DCC: variants seen among roughly 807,000 people sequenced by gnomAD.
DCC encodes DCC netrin 1 receptor, also known as netrin receptor DCC.
DCC carries 58 observed loss-of-function variants against 172.5 expected under a neutral mutation model. That is an observed-to-expected ratio of 0.34 (90% CI 0.27 to 0.42). The LOEUF is 0.42. Among genes scored for constraint, DCC ranks in the 10% least tolerant of loss-of-function variants. DCC has a pLI of 1.00. For missense variants in DCC, 1,740 were observed against 1,791.0 expected, an observed-to-expected ratio of 0.97 and a Z score of 0.51; for synonymous variants, 709 against 644.5, an observed-to-expected ratio of 1.10 and a Z score of -1.52.
intron 12 of DCC, among the ~76,000 whole-genome samples, chr18:53,268,470 C>T (rs1338302320): frequency 1.3e-5 from 2 of 152,054 alleles, no homozygotes; most frequent in African/African-American, 4.8e-5. Context: ...CTTCCTTTCA[C>T]CCAGAGAAAT....
At chr18:52,449,599 G>C (rs1422256756) in intron 1 of DCC, among the ~76,000 whole-genome samples, 1 of 152,220 alleles carries the variant, frequency 6.6e-6, no homozygotes, top group African/African-American at 2.4e-5. Flanking sequence ...TTTAAAGGAA[G>C]ACTGGTTGGG....
chr18:52,585,236 G>C (rs1473550033), intron 1 of DCC, among the ~76,000 whole-genome samples: 3 of 152,200 alleles, frequency 2.0e-5, no homozygotes, highest in African/African-American at 4.8e-5. Context: ...CGAATGAGGA[G>C]TCAAAACTGT....
chr18:52,599,231 T>C (rs962149633), intron 1 of DCC, among the ~76,000 whole-genome samples: 1 of 152,160 alleles, frequency 6.6e-6, no homozygotes, highest in African/African-American at 2.4e-5. Context: ...GTCTTAGAAC[T>C]GATAGTCATT....
At chr18:52,807,387 C>T (rs1199568468) in intron 2 of DCC, among the ~76,000 whole-genome samples, 1 of 152,168 alleles carries the variant, frequency 6.6e-6, no homozygotes, top group African/African-American at 2.4e-5. Flanking sequence ...CTGTATGGTT[C>T]ACTGCAAAAC....
rs138887052 is a variant in DCC, at chr18:52,983,015, G to T, written c.985+57645G>T. ...CCTGGGAGAGTGCTGGTTTACATCT[G>T]TTTTCCCCATTTCTATCTTGTTAGT... On this transcript the variant is annotated intron_variant, in intron 5 of 28. Coordinates refer to ENST00000442544, the MANE Select transcript of DCC (RefSeq NM_005215.4). 1.6e-3 allele frequency among the ~76,000 whole-genome samples: 237 copies of T among 152,216 alleles called. 1 individual carries two copies. The highest frequency in any genetic ancestry group is 5.4e-3 in the African/African-American group (225 of 41,530).
chr18:52,488,324 C>T (rs901261871), intron 1 of DCC, among the ~76,000 whole-genome samples: 1 of 152,088 alleles, frequency 6.6e-6, no homozygotes, highest in East Asian at 1.9e-4. Flanking sequence ...GAAAAACCTT[C>T]CTACTTTAAT....
At chr18:53,147,383 C>G (rs538378940) in intron 7 of DCC, among the ~76,000 whole-genome samples, 2 of 152,188 alleles carry the variant, frequency 1.3e-5, no homozygotes, top group Admixed American at 1.3e-4. Context: ...AGGAAACATG[C>G]TTCGTATACA....
intron 1 of DCC, among the ~76,000 whole-genome samples, chr18:52,697,107 T>A (rs186174592): frequency 1.1e-4 from 17 of 152,362 alleles, no homozygotes; most frequent in Admixed American, 1.1e-3. Flanking sequence ...GATTTTTCTT[T>A]ACTTGATTGC....
At position 52,601,777 on chromosome 18, in the gene DCC, A is replaced by G. The variant is rs61220050; in HGVS notation, c.92-150277A>G. 7.2e-3 allele frequency among the ~76,000 whole-genome samples: 1,100 copies of G among 152,184 alleles called. 13 individuals carry two copies. The highest frequency in any genetic ancestry group is 0.025 in the African/African-American group (1,058 of 41,556). Reference sequence around the variant, plus strand: ...TGCATGCCTATATTAGCACAAGTGTATATATTGTTCTGGTCCAATTTTGCT... The same window carrying G: ...TGCATGCCTATATTAGCACAAGTGTGTATATTGTTCTGGTCCAATTTTGCT... On this transcript the variant is annotated intron_variant, in intron 1 of 28. Coordinates refer to ENST00000442544, the MANE Select transcript of DCC (RefSeq NM_005215.4).
intron 14 of DCC, among the ~76,000 whole-genome samples, chr18:53,329,755 T>C (rs1347017878): frequency 6.6e-6 from 1 of 152,050 alleles, no homozygotes; most frequent in Non-Finnish European, 1.5e-5. Context: ...AAGAAATTTA[T>C]ATGGAAGAAT....
At chr18:53,474,025 T>C (rs1179036718) in intron 25 of DCC, among the ~76,000 whole-genome samples, 1 of 141,998 alleles carries the variant, frequency 7.0e-6, no homozygotes, top group Non-Finnish European at 1.6e-5. Flanking sequence ...TTAATTTTTG[T>C]TATTTTTGTA....
intron 1 of DCC, among the ~76,000 whole-genome samples, chr18:52,688,220 A>C (rs575261849): frequency 1.3e-5 from 2 of 152,130 alleles, no homozygotes; most frequent in South Asian, 4.1e-4. Flanking sequence ...ATTTACTGAA[A>C]AGTGTAGATG....
intron 7 of DCC, among the ~76,000 whole-genome samples, chr18:53,109,283 G>C (rs765894581): frequency 1.3e-5 from 2 of 151,408 alleles, no homozygotes; most frequent in Non-Finnish European, 1.5e-5. Context: ...TATAGAGACA[G>C]TACAATTTTA....
At chr18:53,118,275 C>T (rs994671134) in intron 7 of DCC, among the ~76,000 whole-genome samples, 3 of 151,732 alleles carry the variant, frequency 2.0e-5, no homozygotes, top group Admixed American at 6.6e-5. Flanking sequence ...GTATAATTTT[C>T]GATTATCTGC....
chr18:52,579,342 T>G lies in DCC; in HGVS notation c.92-172712T>G, dbSNP rs145247453. On this transcript the variant is annotated intron_variant, in intron 1 of 28. Transcript: ENST00000442544. Reference sequence around the variant, plus strand: ...TCCTTTGGAATATGCAATTAGAAAGTTACAGGGTATCATAGCTGGGATGGT... The same window carrying G: ...TCCTTTGGAATATGCAATTAGAAAGGTACAGGGTATCATAGCTGGGATGGT... 2.1e-3 allele frequency among the ~76,000 whole-genome samples: 320 copies of G among 152,334 alleles called. 1 individual carries two copies. Among genetic ancestry groups the G allele is most frequent in the African/African-American group, 7.4e-3 (309 of 41,576 alleles).
chr18:52,482,879 T>G (rs990056170), intron 1 of DCC, among the ~76,000 whole-genome samples: 2 of 152,156 alleles, frequency 1.3e-5, no homozygotes, highest in Non-Finnish European at 2.9e-5. Context: ...CATATCCCCT[T>G]GTATTAGGGC....
chr18:53,039,030 G>T (rs1006821852), intron 5 of DCC, among the ~76,000 whole-genome samples: 5 of 152,096 alleles, frequency 3.3e-5, no homozygotes, highest in African/African-American at 4.8e-5. Context: ...GAAATGTTGA[G>T]GTCGCCAAAC....
chr18:52,679,683 A>G (rs11872973), intron 1 of DCC, among the ~76,000 whole-genome samples: 150,944 of 152,250 alleles, frequency 0.99, 74,839 homozygotes, highest in East Asian at 1. Flanking sequence ...TAGCCTTATG[A>G]AACTTCCTGG....
intron 2 of DCC, among the ~76,000 whole-genome samples, chr18:52,779,020 A>G (rs1363709902): frequency 6.6e-6 from 1 of 152,206 alleles, no homozygotes; most frequent in Admixed American, 6.5e-5. Context: ...ATTCTGCATC[A>G]GTGTTCTATA....
Sources: gnomAD v4.1 joint callset for allele counts (sites outside exome capture counted in the v4.1 genomes callset) on GRCh38, gnomAD v4.1.1 for gene constraint, MANE v1.5 for transcripts, NCBI Gene and HGNC (gene_info 2026-07-23, HGNC 2026-07-21) for gene names.